PLCG2: variants seen among roughly 807,000 people sequenced by gnomAD.
The protein encoded by PLCG2 is phospholipase C gamma 2.
In PLCG2, 69 loss-of-function variants were observed where a neutral mutation model predicts 175.6. The observed-to-expected ratio is 0.39, with a 90% confidence interval of 0.32 to 0.48. PLCG2 has a LOEUF of 0.48. Among genes scored for constraint, PLCG2 ranks in the 20% least tolerant of loss-of-function variants. PLCG2 has a pLI of 0.91. For synonymous variants in PLCG2, 827 were observed against 624.0 expected (o/e 1.33, Z -4.85); for missense variants, 1,798 against 1,650.9 (o/e 1.09, Z -1.54).
At chr16:81,791,981 C>T (rs1911252921) in intron 2 of PLCG2, among the ~76,000 whole-genome samples, 1 of 152,166 alleles carries the variant, frequency 6.6e-6, no homozygotes, top group Non-Finnish European at 1.5e-5. Flanking sequence ...TCACTTGCAC[C>T]AACTCAGATC....
At chr16:81,743,583 C>T (rs1025455685) in intron 1 of PLCG2, among the ~76,000 whole-genome samples, 1 of 152,148 alleles carries the variant, frequency 6.6e-6, no homozygotes, top group African/African-American at 2.4e-5. Context: ...CCTCATGCAC[C>T]CTGAGCTGAT....
intron 2 of PLCG2, among the ~76,000 whole-genome samples, chr16:81,837,952 A>T (rs545625892): frequency 6.6e-6 from 1 of 152,196 alleles, no homozygotes; most frequent in Admixed American, 6.5e-5. Context: ...GTATTTAGTT[A>T]TGTACAATTT....
chr16:81,812,506 A>G (rs1904363089), intron 2 of PLCG2, among the ~76,000 whole-genome samples: 1 of 152,180 alleles, frequency 6.6e-6, no homozygotes, highest in African/African-American at 2.4e-5. Context: ...GTGTCTGTTC[A>G]TATCCTTTGT....
At chr16:81,824,732 A>G (rs79391759) in intron 2 of PLCG2, among the ~76,000 whole-genome samples, 4 of 152,144 alleles carry the variant, frequency 2.6e-5, no homozygotes, top group Non-Finnish European at 5.9e-5. Flanking sequence ...GTCCTTCCCC[A>G]TGATGTCACC....
intron 2 of PLCG2, among the ~76,000 whole-genome samples, chr16:81,795,908 GC>G (rs1911449091): frequency 6.6e-6 from 1 of 152,216 alleles, no homozygotes; most frequent in African/African-American, 2.4e-5. Context: ...GTGACCAAGT[GC>G]AAGGGATGCT....
At chr16:81,893,427 A>C (rs1567519957) in intron 11 of PLCG2, among the ~76,000 whole-genome samples, 2 of 147,106 alleles carry the variant, frequency 1.4e-5, no homozygotes. Context: ...TGCTTTGACC[A>C]ACTTCTCCTC....
intron 31 of PLCG2, among the ~76,000 whole-genome samples, chr16:81,949,430 T>C (rs1464628880): frequency 6.6e-6 from 1 of 152,226 alleles, no homozygotes; most frequent in Non-Finnish European, 1.5e-5. Context: ...AATATCAGAC[T>C]TGTCCTCTTT....
chr16:81,819,778 G>T (rs1057352675), intron 2 of PLCG2, among the ~76,000 whole-genome samples: 9 of 152,052 alleles, frequency 5.9e-5, no homozygotes, highest in African/African-American at 2.2e-4. Flanking sequence ...AGAGATGGGG[G>T]TTTCACCATG....
intron 2 of PLCG2, among the ~76,000 whole-genome samples, chr16:81,830,579 A>G (rs1023019091): frequency 1.3e-5 from 2 of 152,082 alleles, no homozygotes; most frequent in African/African-American, 4.8e-5. Flanking sequence ...AAGTGCTGGG[A>G]TTACAGGCAT....
At chr16:81,878,269 C>G (rs1907911484) in intron 7 of PLCG2, among the ~76,000 whole-genome samples, 1 of 151,964 alleles carries the variant, frequency 6.6e-6, no homozygotes, top group Admixed American at 6.5e-5. Flanking sequence ...CAGGTGTGAG[C>G]CACCGTGCCC....
Position 81,805,514 on chromosome 16 carries a change from A to AC in PLCG2, c.193+19332_193+19333insC, listed in dbSNP as rs554771601. ...ACTCCATCTCAGAAAAAAAAAAAAA[A>AC]AAAACAAAACGCAAGAAAACAACAA... On this transcript the variant is annotated intron_variant, in intron 2 of 32. Coordinates refer to ENST00000564138, the MANE Select transcript of PLCG2 (RefSeq NM_002661.5). Among the ~76,000 whole-genome samples the AC allele has an allele frequency of 3.3e-3, 493 of 148,828 alleles. 3 individuals carry two copies. Among genetic ancestry groups the AC allele is most frequent in the South Asian group, 0.017 (81 of 4,784 alleles).
intron 1 of PLCG2, among the ~76,000 whole-genome samples, chr16:81,780,559 C>T (rs1187415471): frequency 6.6e-6 from 1 of 152,158 alleles, no homozygotes; most frequent in African/African-American, 2.4e-5. Flanking sequence ...CAGGGACAAT[C>T]GTCATTGTGA....
At position 81,940,007 on chromosome 16, in the gene PLCG2, C is replaced by G; in HGVS notation, c.3429C>G (p.Ser1143Arg). ...RFVVYEEDMF[S>R]DPNFLAHATY... ...TGGTTTATGAAGAAGATATGTTCAGCGATCCCAACTTTCTTGCTCATGCCA... is the reference window on the plus strand; with the variant it reads ...TGGTTTATGAAGAAGATATGTTCAGGGATCCCAACTTTCTTGCTCATGCCA... Residue 1143 changes from serine (S) to arginine (R), a missense_variant, in exon 30 of 33, where the codon AGC becomes AGG. Ser to Arg is a moderately radical substitution (Grantham distance 110). Coordinates refer to ENST00000564138, the MANE Select transcript of PLCG2 (RefSeq NM_002661.5). 1 of 1,613,988 alleles carries G rather than the reference C, an allele frequency of 6.2e-7. No individual in the cohort carries two copies. Among genetic ancestry groups the G allele is most frequent in the Non-Finnish European group, 8.5e-7 (1 of 1,179,846 alleles).
intron 31 of PLCG2, among the ~76,000 whole-genome samples, chr16:81,947,457 G>C (rs538178058): frequency 6.6e-6 from 1 of 152,300 alleles, no homozygotes; most frequent in East Asian, 1.9e-4. Context: ...CTTGGAAGCC[G>C]AGCTGAATTG....
chr16:81,943,774 T>C lies in PLCG2; in HGVS notation c.3482-2401T>C, dbSNP rs542293515. Among the ~76,000 whole-genome samples the C allele has an allele frequency of 9.2e-5, 14 of 152,348 alleles. No homozygotes were observed. In the South Asian group the frequency reaches 1.2e-3, roughly 14 times the overall value. On this transcript the variant is annotated intron_variant, in intron 30 of 32. Transcript: ENST00000564138. ...CAAACTAGCAACAAAAATCACATTG[T>C]AGCGATAGGGAAAAATAGGTCAGAA...
chr16:81,831,806 T>C (rs919995095), intron 2 of PLCG2, among the ~76,000 whole-genome samples: 2 of 152,226 alleles, frequency 1.3e-5, no homozygotes, highest in African/African-American at 4.8e-5. Flanking sequence ...ACCTTCTAGC[T>C]GTCTGCAACA....
intron 2 of PLCG2, among the ~76,000 whole-genome samples, chr16:81,761,462 G>A (rs1039236456): frequency 6.6e-6 from 1 of 152,226 alleles, no homozygotes; most frequent in African/African-American, 2.4e-5. Flanking sequence ...ATGGGTGAGA[G>A]GTGACGCGTT....
At chr16:81,747,359 A>G (rs1597301515) in intron 1 of PLCG2, among the ~76,000 whole-genome samples, 1 of 151,782 alleles carries the variant, frequency 6.6e-6, no homozygotes, top group Admixed American at 6.6e-5. Flanking sequence ...ACATGTTGAA[A>G]CCCCATCTTT....
At chr16:81,948,254 A>AAGTG (rs1181302585) in intron 31 of PLCG2, among the ~76,000 whole-genome samples, 3 of 136,340 alleles carry the variant, frequency 2.2e-5, no homozygotes, top group Admixed American at 2.2e-4. Context: ...GTCGTATTAT[A>AAGTG]TCCCATCTTG....
Sources: allele counts gnomAD v4.1 joint callset (sites outside exome capture counted in the v4.1 genomes callset), GRCh38; gene constraint gnomAD v4.1.1; transcripts MANE v1.5; gene names NCBI Gene and HGNC (gene_info 2026-07-23, HGNC 2026-07-21).